The following TTC14 variants were observed in gnomAD, a reference collection of about 807,000 sequenced individuals.
TTC14 encodes the protein tetratricopeptide repeat domain 14, also known as tetratricopeptide repeat protein 14.
Under a neutral mutation model 79.9 loss-of-function variants are expected in TTC14, and 63 were observed. That is an observed-to-expected ratio of 0.79 (90% CI 0.64 to 0.97). The LOEUF (loss-of-function observed/expected upper bound fraction) is 0.97, where lower values mean the gene tolerates loss of function less well. TTC14 is among the 50% of genes least tolerant of loss of function. The pLI is 0.00. For missense variants in TTC14, 895 were observed against 894.0 expected (o/e 1.00, Z -0.01); for synonymous variants, 335 against 309.6 (o/e 1.08, Z -0.86).
At chr3:180,603,391 T>C (rs1716495936) in intron 3 of TTC14, 68 bp downstream of exon 3, 1 of 1,329,020 alleles carries the variant, frequency 7.5e-7, no homozygotes, top group Non-Finnish European at 1.1e-6. Flanking sequence ...GAACTATATC[T>C]TTGCATGCAG....
At chr3:180,616,498 TAGAA>T in intron 12 of TTC14, 1 of 1,515,244 alleles carries the variant, frequency 6.6e-7, no homozygotes, top group Non-Finnish European at 8.8e-7. Flanking sequence ...AAATATTTAA[TAGAA>T]GGTGCTGTAT....
At chr3:180,602,759 T>C in intron 1 of TTC14, 132 bp from the exon 2 acceptor site, 1 of 1,148,904 alleles carries the variant, frequency 8.7e-7, no homozygotes, top group Non-Finnish European at 1.2e-6. Context: ...TAGTTAAAAC[T>C]TTTTGTCTGA....
chr3:180,604,116 T>G (rs1404319079), intron 3 of TTC14, 109 bp from the exon 4 acceptor site: 3 of 887,566 alleles, frequency 3.4e-6, no homozygotes. Flanking sequence ...ATTTTTACTT[T>G]AGGTTGTTCA....
intron 3 of TTC14, 37 bp from the exon 4 acceptor site, chr3:180,604,188 T>G (rs1232976624): frequency 1.3e-6 from 2 of 1,558,766 alleles, no homozygotes; most frequent in South Asian, 1.1e-5. Flanking sequence ...TATCAAAGCT[T>G]GAAATGTCTG....
chr3:180,602,915 C>A lies in TTC14; in HGVS notation c.186C>A (p.Ile62=). ...QGRKEKRVDN[I]EIQKFISKKA... ...GAAAAGAGAAGAGAGTTGACAACAT[C>A]GAGATACAGAAATTCATCTCCAAAA... is the stretch of plus-strand genomic sequence containing the variant. The change falls in exon 2 of 12, where the codon ATC becomes ATA. Residue 62 remains isoleucine, a synonymous_variant. Transcript: ENST00000296015. 1.2e-6 allele frequency: 2 copies of A among 1,612,852 alleles called. No individual in the cohort carries two copies. Among genetic ancestry groups the A allele is most frequent in the Non-Finnish European group, 1.7e-6 (2 of 1,179,680 alleles).
chr3:180,618,328 AATC>A (rs1416915360), downstream of TTC14, among the ~76,000 whole-genome samples: 1 of 152,172 alleles, frequency 6.6e-6, no homozygotes, highest in Non-Finnish European at 1.5e-5. Flanking sequence ...TGACAATTGA[AATC>A]ATGGAATCTG....
intron 3 of TTC14, chr3:180,603,676 C>A (rs894074501): frequency 4.0e-6 from 1 of 252,570 alleles, no homozygotes; most frequent in Non-Finnish European, 7.7e-6. Flanking sequence ...TGTATATTTT[C>A]ATGTGGATAA....
Position 180,605,804 on chromosome 3 carries a change from GAA to G in TTC14, c.902_903del (p.Lys301ThrfsTer15). 1 of 1,570,206 alleles carries G rather than the reference GAA, an allele frequency of 6.4e-7. No homozygotes were observed. The highest frequency in any genetic ancestry group is 8.6e-7 in the Non-Finnish European group (1 of 1,167,848). On this transcript the variant is annotated frameshift_variant, in exon 7 of 12. Transcript: ENST00000296015. LOFTEE classifies it high-confidence loss of function. ...GAAGATGATTTTGCTTCTGCATTGA[GAA>G]AAAAACAATCCGCATCTTGGGCTTT...
chr3:180,612,761 TTAAG>T (rs1466437182), downstream of TTC14, among the ~76,000 whole-genome samples: 2 of 152,128 alleles, frequency 1.3e-5, no homozygotes, highest in African/African-American at 2.4e-5. Context: ...AAAATGGGAC[TTAAG>T]TAAGCTACGA....
At chr3:180,614,018 T>C, downstream of TTC14, 1 of 336,052 alleles carries the variant, frequency 3.0e-6, no homozygotes, top group African/African-American at 2.2e-5. Flanking sequence ...TGAATTCTAA[T>C]ACATTTATTT....
Position 180,609,647 on chromosome 3 carries a change from G to GAAAATCAACTTCTTCTTC in TTC14, c.1421_1438dup (p.Lys474_Ser479dup). The GAAAATCAACTTCTTCTTC allele has an allele frequency of 6.4e-7, 1 of 1,560,534 alleles. No homozygotes were observed. Among genetic ancestry groups the GAAAATCAACTTCTTCTTC allele is most frequent in the Non-Finnish European group, 8.6e-7 (1 of 1,160,118 alleles). On this transcript the variant is annotated inframe_insertion, in exon 12 of 12. Transcript: ENST00000296015. ...TTTTTTAGGCTAAAGAAGAAAAGAAGAAAATCAACTTCTTCTTCAAGTGTT... is the reference window on the plus strand; with the variant it reads ...TTTTTTAGGCTAAAGAAGAAAAGAAGAAAATCAACTTCTTCTTCAAAATCAACTTCTTCTTCAAGTGTT...
chr3:180,611,286 A>G (rs1016818686), downstream of TTC14, among the ~76,000 whole-genome samples: 6 of 152,224 alleles, frequency 3.9e-5, no homozygotes, highest in Non-Finnish European at 7.3e-5. Context: ...TAGGGCCTGT[A>G]TTCCACGCAA....
intron 11 of TTC14, chr3:180,609,406 T>A: frequency 1.6e-6 from 2 of 1,228,526 alleles, no homozygotes; most frequent in Non-Finnish European, 2.0e-6. Flanking sequence ...AGTCTGTCTT[T>A]CAGAGATGAT....
At chr3:180,607,963 G>C in intron 10 of TTC14, 198 bp downstream of exon 10, 1 of 1,322,716 alleles carries the variant, frequency 7.6e-7, no homozygotes, top group Non-Finnish European at 9.6e-7. Flanking sequence ...AGTAAAGATA[G>C]CTGTGAGAAA....
intron 9 of TTC14, 150 bp from the exon 10 acceptor site, chr3:180,607,497 TA>T (rs1716757976): frequency 8.1e-7 from 1 of 1,233,584 alleles, no homozygotes; most frequent in Non-Finnish European, 1.0e-6. Context: ...TAAATTACAG[TA>T]AAAAGCATAT....
In TTC14 at chr3:180,603,002, TGAA is replaced by T; in HGVS notation, c.276_278del (p.Glu92del). ...ATGCACCTGCAACTTCTGAAATTAATGAAGACAGTGAAGGTCAGTTTAGCCTTA... is the reference window on the plus strand; with the variant it reads ...ATGCACCTGCAACTTCTGAAATTAATGACAGTGAAGGTCAGTTTAGCCTTA... On this transcript the variant is annotated inframe_deletion, in exon 2 of 12. Transcript: ENST00000296015. 1 of 1,613,508 alleles carries T rather than the reference TGAA, an allele frequency of 6.2e-7. No individual in the cohort carries two copies. Among genetic ancestry groups the T allele is most frequent in the Non-Finnish European group, 8.5e-7 (1 of 1,179,886 alleles).
At position 180,610,150 on chromosome 3, in the gene TTC14, A is replaced by T; in HGVS notation, c.1921A>T (p.Ile641Phe). The stretch of plus-strand genomic sequence containing the variant: ...CTTCTGTAGGAATTCAGAGGACAAG[A>T]TTTATGGTTATAGGAGATTTGAAAA... The part of the protein sequence containing the change: ...DSFCRNSEDK[I>F]YGYRRFEKDI... The change falls in exon 12 of 12, where the codon ATT becomes TTT. Residue 641 changes from isoleucine to phenylalanine, a missense_variant. Physicochemically the swap from Ile to Phe is conservative, Grantham distance 21 (BLOSUM62 0). Transcript: ENST00000296015. 6.2e-7 allele frequency: 1 copy of T among 1,612,912 alleles called. No individual in the cohort carries two copies. Among genetic ancestry groups the T allele is most frequent in the Non-Finnish European group, 8.5e-7 (1 of 1,179,676 alleles).
At chr3:180,611,304 T>A (rs1349841351), downstream of TTC14, among the ~76,000 whole-genome samples, 1 of 152,168 alleles carries the variant, frequency 6.6e-6, no homozygotes, top group South Asian at 2.1e-4. Flanking sequence ...CAAGGGTAAA[T>A]CAGAAAAGAA....
Position 180,610,440 on chromosome 3 carries a change from C to T in TTC14, c.2211C>T (p.His737=). The change falls in exon 12 of 12, where the codon CAC becomes CAT. Residue 737 remains histidine (H), a synonymous_variant. Transcript: ENST00000296015. ...PEEDALSSKE[H]SESSVKKNLP... is the part of the protein sequence containing the mutation. ...AAGATGCACTAAGTAGCAAAGAACACTCAGAAAGCAGTGTTAAGAAAAATT... is the reference window on the plus strand; with the variant it reads ...AAGATGCACTAAGTAGCAAAGAACATTCAGAAAGCAGTGTTAAGAAAAATT... 1.9e-6 allele frequency: 3 copies of T among 1,613,196 alleles called. No individual in the cohort carries two copies. The highest frequency in any genetic ancestry group is 1.3e-5 in the African/African-American group (1 of 74,958).
Sources: gnomAD v4.1 joint callset for allele counts (sites outside exome capture counted in the v4.1 genomes callset) on GRCh38, gnomAD v4.1.1 for gene constraint, MANE v1.5 for transcripts, NCBI Gene and HGNC (gene_info 2026-07-23, HGNC 2026-07-21) for gene names.